Variants in TAB2 observed in about 807,000 individuals in gnomAD.
TAB2 encodes TGF-beta activated kinase 1 (MAP3K7) binding protein 2, also known as TGF-beta-activated kinase 1 and MAP3K7-binding protein 2.
In TAB2, 3 loss-of-function variants were observed where a neutral mutation model predicts 65.0. That is an observed-to-expected ratio of 0.05 (90% confidence interval 0.02 to 0.12). The LOEUF is 0.12. TAB2 is among the 10% of genes least tolerant of loss of function. The pLI, the probability that TAB2 is intolerant of heterozygous loss-of-function variation, is 1.00. For missense variants in TAB2, 623 were observed against 840.3 expected, an observed-to-expected ratio of 0.74 and a Z score of 3.20; for synonymous variants, 298 against 285.1, an observed-to-expected ratio of 1.05 and a Z score of -0.46.
At chr6:149,239,456 G>A (rs1777557338) in intron 1 of TAB2, among the ~76,000 whole-genome samples, 1 of 152,190 alleles carries the variant, frequency 6.6e-6, no homozygotes, top group Admixed American at 6.5e-5. Flanking sequence ...AGAATTCACG[G>A]TGATCAAAGG....
At chr6:149,264,881 T>A (rs1232106092) in intron 1 of TAB2, among the ~76,000 whole-genome samples, 4 of 152,230 alleles carry the variant, frequency 2.6e-5, no homozygotes, top group African/African-American at 9.6e-5. Flanking sequence ...TAGTGGCTAA[T>A]GAGAACGTGT....
At chr6:149,391,333 T>C (rs1781976901) in intron 3 of TAB2, among the ~76,000 whole-genome samples, 1 of 152,126 alleles carries the variant, frequency 6.6e-6, no homozygotes. Flanking sequence ...TTTTTTTTAA[T>C]CATCCTGTCC....
intron 1 of TAB2, among the ~76,000 whole-genome samples, chr6:149,297,826 C>A (rs900437357): frequency 1.3e-5 from 2 of 152,088 alleles, no homozygotes; most frequent in African/African-American, 2.4e-5. Context: ...AGCTACTATG[C>A]CTGGCCTTAA....
chr6:149,247,354 C>A (rs1307687030), intron 1 of TAB2: 1 of 152,234 alleles, frequency 6.6e-6, no homozygotes, highest in African/African-American at 2.4e-5. Context: ...ATTCTTAAAA[C>A]CACTCTCTGG....
intron 1 of TAB2, among the ~76,000 whole-genome samples, chr6:149,328,678 G>A (rs904777885): frequency 1.3e-5 from 2 of 152,162 alleles, no homozygotes; most frequent in African/African-American, 4.8e-5. Flanking sequence ...GGTCAAAGGG[G>A]TGGACAGATA....
At chr6:149,265,319 G>T (rs1778239793) in intron 1 of TAB2, among the ~76,000 whole-genome samples, 1 of 151,464 alleles carries the variant, frequency 6.6e-6, no homozygotes, top group South Asian at 2.1e-4. Context: ...CTTGGAATTT[G>T]TTTGAGGTTA....
intron 1 of TAB2, among the ~76,000 whole-genome samples, chr6:149,250,467 A>C (rs1347402760): frequency 6.6e-6 from 1 of 152,054 alleles, no homozygotes; most frequent in Non-Finnish European, 1.5e-5. Context: ...CACTACGCCC[A>C]GCTAATTTTT....
chr6:149,268,810 T>C (rs1477513291), intron 1 of TAB2, among the ~76,000 whole-genome samples: 1 of 152,264 alleles, frequency 6.6e-6, no homozygotes, highest in Non-Finnish European at 1.5e-5. Context: ...TGTGAACATA[T>C]ACTGCTTGTG....
chr6:149,409,633 G>A lies in TAB2; in HGVS notation c.1996G>A (p.Ala666Thr), dbSNP rs1421958546. ...TCAAGACACAGAAGATGATGAGGGA[G>A]CTCAGTGGAATTGTACCGCCTGTAC... ...KTQDTEDDEGAQWNCTACTFL... is the reference protein window; with the variant it reads ...KTQDTEDDEGTQWNCTACTFL... Residue 666 changes from alanine (A) to threonine (T), a missense_variant, in exon 7 of 7, where the codon GCT becomes ACT. By Grantham distance (58) the Ala-to-Thr change is moderately conservative (BLOSUM62 0). Transcript: ENST00000637181. 3.7e-6 allele frequency: 6 copies of A among 1,613,920 alleles called. No homozygotes were observed. Among genetic ancestry groups the A allele is most frequent in the Non-Finnish European group, 5.1e-6 (6 of 1,179,914 alleles).
chr6:149,242,146 A>G (rs1212245633), intron 1 of TAB2, among the ~76,000 whole-genome samples: 1 of 152,184 alleles, frequency 6.6e-6, no homozygotes, highest in Admixed American at 6.5e-5. Flanking sequence ...GTATTGAAAC[A>G]ATGCTCTTGT....
intron 3 of TAB2, among the ~76,000 whole-genome samples, chr6:149,391,657 T>G (rs1031065322): frequency 6.6e-6 from 1 of 152,034 alleles, no homozygotes; most frequent in Non-Finnish European, 1.5e-5. Flanking sequence ...TCCTCCCACC[T>G]CAGCATCTGG....
intron 1 of TAB2, among the ~76,000 whole-genome samples, chr6:149,300,950 AT>A (rs542233621): frequency 1.3e-5 from 2 of 152,228 alleles, no homozygotes; most frequent in Non-Finnish European, 2.9e-5. Flanking sequence ...CTATATGCAA[AT>A]TGAAATTGCT....
intron 1 of TAB2, among the ~76,000 whole-genome samples, chr6:149,269,632 G>T (rs1778323921): frequency 1.3e-5 from 2 of 152,002 alleles, no homozygotes; most frequent in Admixed American, 6.6e-5. Flanking sequence ...ACCATTGATT[G>T]GTTATCTGTC....
intron 1 of TAB2, among the ~76,000 whole-genome samples, chr6:149,348,307 T>C (rs1162641558): frequency 6.6e-6 from 1 of 152,018 alleles, no homozygotes. Flanking sequence ...GAAGATCCTT[T>C]GAGCCCAGGA....
At chr6:149,299,275 A>G (rs1361890348) in intron 1 of TAB2, among the ~76,000 whole-genome samples, 1 of 152,226 alleles carries the variant, frequency 6.6e-6, no homozygotes, top group Non-Finnish European at 1.5e-5. Context: ...AGCAGCCGTT[A>G]TAATTCACAT....
At chr6:149,280,591 T>C (rs1583062423) in intron 1 of TAB2, among the ~76,000 whole-genome samples, 1 of 152,128 alleles carries the variant, frequency 6.6e-6, no homozygotes, top group Admixed American at 6.6e-5. Context: ...ATCTATAAAA[T>C]TGTCAACCTA....
At chr6:149,228,376 G>C (rs1777328853) in intron 1 of TAB2, among the ~76,000 whole-genome samples, 1 of 152,124 alleles carries the variant, frequency 6.6e-6, no homozygotes, top group African/African-American at 2.4e-5. Context: ...GTGGCATCTG[G>C]GGACTCTGGG....
chr6:149,236,791 T>C (rs879819160), intron 1 of TAB2, among the ~76,000 whole-genome samples: 11 of 152,148 alleles, frequency 7.2e-5, no homozygotes, highest in African/African-American at 2.7e-4. Flanking sequence ...ATTTTCCCCT[T>C]GCATAAAAGG....
intron 3 of TAB2, among the ~76,000 whole-genome samples, chr6:149,392,632 T>C (rs1005397533): frequency 5.3e-5 from 8 of 152,242 alleles, no homozygotes; most frequent in Non-Finnish European, 1.2e-4. Context: ...TTCAGCTTTC[T>C]CCACTCCTTC....
Sources: allele counts gnomAD v4.1 joint callset (sites outside exome capture counted in the v4.1 genomes callset), GRCh38; gene constraint gnomAD v4.1.1; transcripts MANE v1.5; gene names NCBI Gene and HGNC (gene_info 2026-07-23, HGNC 2026-07-21).